SNX29: variants seen among roughly 807,000 people sequenced by gnomAD.
The protein encoded by SNX29 is sorting nexin 29.
In SNX29, 78 loss-of-function variants were observed where a neutral mutation model predicts 102.1. The observed-to-expected ratio is 0.76, with a 90% CI of 0.64 to 0.92. The LOEUF is 0.92. Among genes scored for constraint, SNX29 ranks in the 40% least tolerant of loss-of-function variants. SNX29 has a pLI of 0.00. For missense variants in SNX29, 1,280 were observed against 1,061.7 expected (o/e 1.21, Z -2.86); for synonymous variants, 580 against 414.5 (o/e 1.40, Z -4.85).
intron 10 of SNX29, among the ~76,000 whole-genome samples, chr16:12,070,255 C>T (rs2051233075): frequency 6.6e-6 from 1 of 151,214 alleles, no homozygotes; most frequent in Admixed American, 6.6e-5. Flanking sequence ...TATACATGTG[C>T]CATGCTGGTG....
intron 14 of SNX29, among the ~76,000 whole-genome samples, chr16:12,207,299 G>T (rs2077068678): frequency 6.6e-6 from 1 of 152,140 alleles, no homozygotes; most frequent in Admixed American, 6.5e-5. Context: ...AACCTGGGAG[G>T]CAGAGGCTGC....
chr16:11,997,480 CT>C lies in SNX29; in HGVS notation c.8-1802del, dbSNP rs55693728. ...TTTCATTGATTAGTTTACATTTATACTTTTTTTTTTTTTTTGAGATAGGGCC... is the reference window on the plus strand; with the variant it reads ...TTTCATTGATTAGTTTACATTTATACTTTTTTTTTTTTTTGAGATAGGGCC... On this transcript the variant is annotated intron_variant, in intron 1 of 20. Transcript: ENST00000566228. 7.2e-3 allele frequency among the ~76,000 whole-genome samples: 1,040 copies of C among 143,804 alleles called. 8 individuals are homozygous for C. The highest frequency in any genetic ancestry group is 0.046 in the East Asian group (228 of 4,990). The allele number at this position is 143,804 out of a possible 152,430, so 94.3% of individuals were successfully genotyped here.
intron 20 of SNX29, among the ~76,000 whole-genome samples, chr16:12,552,628 CACCAAACAA>C (rs2078052703): frequency 6.6e-6 from 1 of 151,648 alleles, no homozygotes; most frequent in Non-Finnish European, 1.5e-5. Context: ...AAAAACCAAA[CACCAAACAA>C]ATGGAAGGAT....
chr16:12,229,864 T>C (rs921988526), intron 14 of SNX29, among the ~76,000 whole-genome samples: 5 of 152,196 alleles, frequency 3.3e-5, no homozygotes, highest in African/African-American at 1.2e-4. Flanking sequence ...CATACTGGTC[T>C]GGTTGGACTT....
chr16:12,247,755 A>G (rs2078301552), intron 14 of SNX29, among the ~76,000 whole-genome samples: 1 of 152,216 alleles, frequency 6.6e-6, no homozygotes, highest in South Asian at 2.1e-4. Context: ...TTAAATGTTA[A>G]GGTTGGGTTC....
intron 11 of SNX29, chr16:12,093,982 T>C (rs901513525): frequency 6.6e-6 from 1 of 152,138 alleles, no homozygotes; most frequent in African/African-American, 2.4e-5. Flanking sequence ...GCAATCGTGG[T>C]ATCATTATTT....
At chr16:12,519,033 G>A (rs1435362484) in intron 19 of SNX29, among the ~76,000 whole-genome samples, 3 of 152,202 alleles carry the variant, frequency 2.0e-5, no homozygotes, top group African/African-American at 4.8e-5. Context: ...AGGACGGGGA[G>A]CAGGCTGTCC....
chr16:12,000,172 T>G (rs2056235157), intron 2 of SNX29, among the ~76,000 whole-genome samples: 1 of 152,140 alleles, frequency 6.6e-6, no homozygotes, highest in Admixed American at 6.6e-5. Context: ...GAAGTAAGCT[T>G]GGATGTGAGA....
At chr16:12,398,525 A>G (rs201615463) in intron 17 of SNX29, 24 bp downstream of exon 17, 140 of 1,613,752 alleles carry the variant, frequency 8.7e-5, no homozygotes, top group Non-Finnish European at 1.1e-4. Context: ...CTGTGCTCAC[A>G]AGGGGTCCTT....
rs1294081576 is a variant in SNX29 at position 12,144,625 on chromosome 16, C to T, written c.1595+14867C>T. Among the ~76,000 whole-genome samples, 5 of 152,252 alleles carry T rather than the reference C, an allele frequency of 3.3e-5. No homozygotes were observed. The East Asian group carries it at 7.7e-4, about 23-fold the overall frequency. On this transcript the variant is annotated intron_variant, in intron 13 of 20. Transcript: ENST00000566228. ...CCCTTGATCGTGGACTTCCCAGCTT[C>T]CAGAACTGTGAGAAAAGAAATTTCT...
At chr16:12,458,894 T>G (rs1385828213) in intron 18 of SNX29, among the ~76,000 whole-genome samples, 1 of 152,220 alleles carries the variant, frequency 6.6e-6, no homozygotes, top group Non-Finnish European at 1.5e-5. Context: ...TCAGGTCTTT[T>G]CACTACAAGT....
At chr16:12,041,736 G>A (rs7185592) in intron 4 of SNX29, among the ~76,000 whole-genome samples, 2,390 of 152,218 alleles carry the variant, frequency 0.016, 55 homozygotes, top group African/African-American at 0.055. Context: ...TTGTGATTAC[G>A]TCAGCCTCGC....
chr16:12,256,535 C>A (rs1347702118), intron 14 of SNX29, among the ~76,000 whole-genome samples: 1 of 152,126 alleles, frequency 6.6e-6, no homozygotes, highest in Non-Finnish European at 1.5e-5. Context: ...ACCATGTAGG[C>A]CAGGCTGGTC....
intron 16 of SNX29, among the ~76,000 whole-genome samples, chr16:12,365,910 C>T (rs570376801): frequency 2.9e-4 from 44 of 150,934 alleles, no homozygotes; most frequent in East Asian, 2.0e-3. Flanking sequence ...TGCGTGGTGG[C>T]GGGCGCTTGT....
In SNX29 at chr16:12,571,633, C is replaced by T. The variant is rs1241175910; in HGVS notation, c.*3004C>T. The T allele has an allele frequency of 2.1e-5, 22 of 1,059,238 alleles. No individual in the cohort carries two copies. In the Admixed American group the frequency reaches 2.2e-4, roughly 10 times the overall value. 65.6% of individuals were successfully genotyped at this position (1,059,238 alleles called of 1,614,324 possible). A position where few individuals can be genotyped will look rare whatever the true frequency, so the allele number is the denominator to read the frequency against. ...TCCATCTTTCACATCTTTTTTTCTCCCCCAGATGAAAGACGACTCAGGAAC... is the reference window on the plus strand; with the variant it reads ...TCCATCTTTCACATCTTTTTTTCTCTCCCAGATGAAAGACGACTCAGGAAC... On this transcript the variant is annotated 3_prime_UTR_variant, in exon 21 of 21. Coordinates refer to ENST00000566228, the MANE Select transcript of SNX29 (RefSeq NM_032167.5).
intron 13 of SNX29, among the ~76,000 whole-genome samples, chr16:12,194,401 G>GT (rs1567298465): frequency 6.6e-6 from 1 of 152,102 alleles, no homozygotes; most frequent in African/African-American, 2.4e-5. Context: ...GATTTCCTTT[G>GT]TAGATGGTCA....
intron 14 of SNX29, among the ~76,000 whole-genome samples, chr16:12,221,060 C>G (rs2077463028): frequency 6.6e-6 from 1 of 152,098 alleles, no homozygotes; most frequent in Non-Finnish European, 1.5e-5. Context: ...ATTTTAGCGC[C>G]CTGAATTGTT....
In SNX29 at chr16:12,325,977, C is replaced by G. The variant is rs544380664; in HGVS notation, c.1783-30186C>G. 1.1e-3 allele frequency among the ~76,000 whole-genome samples: 166 copies of G among 152,074 alleles called. 1 individual carries two copies. Among genetic ancestry groups the G allele is most frequent in the African/African-American group, 3.9e-3 (160 of 41,556 alleles). ...CCCAGGAGGTCGAGGTTGCAGTGAGCTGTAATCACACACTGCATTCCAGCC... is the reference window on the plus strand; with the variant it reads ...CCCAGGAGGTCGAGGTTGCAGTGAGGTGTAATCACACACTGCATTCCAGCC... On this transcript the variant is annotated intron_variant, in intron 15 of 20. Transcript: ENST00000566228.
intron 13 of SNX29, among the ~76,000 whole-genome samples, chr16:12,140,261 G>T (rs1178371715): frequency 2.0e-5 from 3 of 152,180 alleles, no homozygotes; most frequent in Non-Finnish European, 4.4e-5. Flanking sequence ...TGACAAGAGG[G>T]CCCCCAGGGG....
Sources: allele counts gnomAD v4.1 joint callset (sites outside exome capture counted in the v4.1 genomes callset), GRCh38; gene constraint gnomAD v4.1.1; transcripts MANE v1.5; gene names NCBI Gene and HGNC (gene_info 2026-07-23, HGNC 2026-07-21).